Variants in CPQ observed in about 807,000 individuals in gnomAD.
CPQ encodes carboxypeptidase Q, also known as Ser-Met dipeptidase.
Under a neutral mutation model 45.7 loss-of-function variants are expected in CPQ, and 37 were observed. The ratio of observed to expected loss-of-function variants is 0.81; its 90% confidence interval spans 0.62 to 1.07. The LOEUF is 1.07. Among genes scored for constraint, CPQ ranks in the 50% least tolerant of loss-of-function variants. CPQ has a pLI of 0.00. For missense variants in CPQ, 537 were observed against 572.9 expected (o/e 0.94, Z 0.64); for synonymous variants, 186 against 205.8 (o/e 0.90, Z 0.82).
rs147881703 is a variant in CPQ, at chr8:96,995,031, T to C, written c.961+28985T>C. ...GCAGAGGAGGCATACTCGAAAGAGG[T>C]TGAAGAACTAAATCATACAGGTCTT... On this transcript the variant is annotated intron_variant, in intron 5 of 7. Coordinates refer to ENST00000220763, the MANE Select transcript of CPQ (RefSeq NM_016134.4). Among the ~76,000 whole-genome samples, 28 of 151,946 alleles carry C rather than the reference T, an allele frequency of 1.8e-4. 1 individual carries two copies. The East Asian group carries it at 4.1e-3, about 22-fold the overall frequency.
At chr8:96,646,152 G>A (rs975561874) in intron 1 of CPQ, among the ~76,000 whole-genome samples, 6 of 151,624 alleles carry the variant, frequency 4.0e-5, no homozygotes, top group African/African-American at 1.5e-4. Flanking sequence ...TGTGAATGTC[G>A]CACTTTTGCA....
At chr8:97,057,273 T>G (rs1269616715) in intron 6 of CPQ, among the ~76,000 whole-genome samples, 3 of 152,178 alleles carry the variant, frequency 2.0e-5, no homozygotes, top group Non-Finnish European at 4.4e-5. Context: ...TGACTTAATA[T>G]TTTGCTTTTG....
chr8:96,678,324 G>GT (rs1473334062), intron 1 of CPQ, among the ~76,000 whole-genome samples: 3 of 151,860 alleles, frequency 2.0e-5, no homozygotes, highest in African/African-American at 7.2e-5. Flanking sequence ...GTTTTTATTT[G>GT]TTTGTGTCAT....
intron 1 of CPQ, among the ~76,000 whole-genome samples, chr8:96,733,951 T>G (rs1358984905): frequency 6.6e-6 from 1 of 152,172 alleles, no homozygotes; most frequent in Non-Finnish European, 1.5e-5. Context: ...AAATCTAAAC[T>G]AATTTTTCTC....
intron 3 of CPQ, among the ~76,000 whole-genome samples, chr8:96,854,530 C>CAAAAAAAAAAAAAA (rs1156706371): frequency 2.3e-4 from 2 of 8,698 alleles, no homozygotes; most frequent in Non-Finnish European, 4.0e-4. Flanking sequence ...GACTCCGTCT[C>CAAAAAAAAAAAAAA]AAAAAAAAAA....
At chr8:96,679,764 CTT>C (rs545204090) in intron 1 of CPQ, among the ~76,000 whole-genome samples, 4 of 143,130 alleles carry the variant, frequency 2.8e-5, no homozygotes. Flanking sequence ...GCAATGTCTC[CTT>C]TTTTTTTTTG....
intron 2 of CPQ, among the ~76,000 whole-genome samples, chr8:96,796,362 TG>T (rs1315998429): frequency 2.0e-5 from 3 of 152,208 alleles, no homozygotes; most frequent in Non-Finnish European, 2.9e-5. Flanking sequence ...TTCTAATTGA[TG>T]AATAATAATT....
chr8:97,109,779 G>A lies in CPQ; in HGVS notation c.1256-33241G>A, dbSNP rs986507960. Among the ~76,000 whole-genome samples the A allele has an allele frequency of 5.3e-5, 8 of 151,612 alleles. No homozygotes were observed. The East Asian group carries it at 5.8e-4, about 11-fold the overall frequency. On this transcript the variant is annotated intron_variant, in intron 7 of 7. Coordinates refer to ENST00000220763, the MANE Select transcript of CPQ (RefSeq NM_016134.4). Reference sequence around the variant, plus strand: ...CCTTACCCGCTGTTTTATGACCTCCGCCTCCCTTTCTGGCTTTACCTCCAT... The same window carrying A: ...CCTTACCCGCTGTTTTATGACCTCCACCTCCCTTTCTGGCTTTACCTCCAT...
At chr8:97,000,829 C>A (rs1363907227) in intron 5 of CPQ, among the ~76,000 whole-genome samples, 1 of 152,242 alleles carries the variant, frequency 6.6e-6, no homozygotes, top group East Asian at 1.9e-4. Flanking sequence ...TTACTTTGGG[C>A]AGTATGGCCA....
chr8:96,747,924 C>T (rs41343747), intron 1 of CPQ, among the ~76,000 whole-genome samples: 1,746 of 152,246 alleles, frequency 0.011, 39 homozygotes, highest in African/African-American at 0.038. Context: ...AGGTTCCTTC[C>T]AGCTCTATGA....
chr8:97,130,420 GTTTTTTTTTTTT>G (rs67911510), intron 7 of CPQ, among the ~76,000 whole-genome samples: 9 of 125,358 alleles, frequency 7.2e-5, no homozygotes, highest in Non-Finnish European at 1.5e-4. Context: ...ATCGTCAGCT[GTTTTTTTTTTTT>G]TTTTTTTTTT....
At chr8:96,844,761 G>A (rs1259385404) in intron 3 of CPQ, among the ~76,000 whole-genome samples, 1 of 152,180 alleles carries the variant, frequency 6.6e-6, no homozygotes, top group African/African-American at 2.4e-5. Flanking sequence ...GCTCTAGATA[G>A]AGCCCTCCTC....
intron 6 of CPQ, among the ~76,000 whole-genome samples, chr8:97,044,678 C>T (rs1010522025): frequency 3.3e-5 from 5 of 152,174 alleles, no homozygotes; most frequent in African/African-American, 1.2e-4. Context: ...GATGTCCTTT[C>T]TGTTTGTTAG....
At chr8:97,105,320 T>A (rs997994705) in intron 7 of CPQ, among the ~76,000 whole-genome samples, 2 of 152,226 alleles carry the variant, frequency 1.3e-5, no homozygotes, top group Non-Finnish European at 2.9e-5. Flanking sequence ...ACAATATTTG[T>A]CCTTTTGTGA....
intron 1 of CPQ, among the ~76,000 whole-genome samples, chr8:96,683,522 T>C (rs1029963318): frequency 2.0e-5 from 3 of 152,172 alleles, no homozygotes; most frequent in Admixed American, 6.5e-5. Flanking sequence ...GGATTATGTC[T>C]ATTTGTGAGT....
At chr8:96,893,224 TG>T (rs1206847239) in intron 4 of CPQ, among the ~76,000 whole-genome samples, 1 of 152,222 alleles carries the variant, frequency 6.6e-6, no homozygotes, top group Non-Finnish European at 1.5e-5. Flanking sequence ...GTTTGTGAAG[TG>T]CTGCTACCTA....
At position 97,022,293 on chromosome 8, in the gene CPQ, A is replaced by G. The variant is rs183231888; in HGVS notation, c.962-7110A>G. Among the ~76,000 whole-genome samples, 311 of 152,322 alleles carry G rather than the reference A, an allele frequency of 2.0e-3. 1 individual carries two copies. The highest frequency in any genetic ancestry group is 7.0e-3 in the African/African-American group (291 of 41,594). ...AACTATAAAAATTCCAGAAGATAAC[A>G]TTGGAAAAACCCTTCTAGACATTGG... On this transcript the variant is annotated intron_variant, in intron 5 of 7. Coordinates refer to ENST00000220763, the MANE Select transcript of CPQ (RefSeq NM_016134.4).
chr8:96,853,043 G>A (rs1811792209), intron 3 of CPQ, among the ~76,000 whole-genome samples: 1 of 152,208 alleles, frequency 6.6e-6, no homozygotes, highest in Non-Finnish European at 1.5e-5. Flanking sequence ...TAAACTGATT[G>A]TGTAATTCCA....
chr8:96,849,327 G>A (rs1206730383), intron 3 of CPQ, among the ~76,000 whole-genome samples: 4 of 152,174 alleles, frequency 2.6e-5, no homozygotes, highest in Admixed American at 2.6e-4. Flanking sequence ...TCTGATAACT[G>A]GAAGCATTTT....
Sources: gnomAD v4.1 joint callset for allele counts (sites outside exome capture counted in the v4.1 genomes callset) on GRCh38, gnomAD v4.1.1 for gene constraint, MANE v1.5 for transcripts, NCBI Gene and HGNC (gene_info 2026-07-23, HGNC 2026-07-21) for gene names.